NLGN1: variants seen among roughly 807,000 people sequenced by gnomAD.
NLGN1 encodes the protein neuroligin 1.
NLGN1 carries 12 observed loss-of-function variants against 65.5 expected under a neutral mutation model. That is an observed-to-expected ratio of 0.18 (90% confidence interval 0.12 to 0.30). NLGN1 has a LOEUF of 0.30. NLGN1 is among the 10% of genes least tolerant of loss of function. NLGN1 has a pLI of 1.00. For synonymous variants in NLGN1, 350 were observed against 359.5 expected (o/e 0.97, Z 0.30); for missense variants, 750 against 1,007.1 (o/e 0.74, Z 3.46).
At chr3:174,030,589 G>A (rs778997873) in intron 4 of NLGN1, among the ~76,000 whole-genome samples, 1 of 152,114 alleles carries the variant, frequency 6.6e-6, no homozygotes, top group Non-Finnish European at 1.5e-5. Context: ...GTTAGCCTCT[G>A]GTTAAAGATG....
intron 3 of NLGN1, among the ~76,000 whole-genome samples, chr3:173,787,508 T>C (rs1409168276): frequency 2.6e-5 from 4 of 152,242 alleles, no homozygotes; most frequent in African/African-American, 7.2e-5. Context: ...TAGTATTAAA[T>C]ATGGTATCTT....
At chr3:173,642,263 A>G (rs1464190276) in intron 3 of NLGN1, among the ~76,000 whole-genome samples, 1 of 152,194 alleles carries the variant, frequency 6.6e-6, no homozygotes, top group Non-Finnish European at 1.5e-5. Context: ...AAAATATGCC[A>G]TACAACTCTC....
At position 173,904,509 on chromosome 3, in the gene NLGN1, G is replaced by GT. The variant is rs1299720428; in HGVS notation, c.646+96689dup. Reference sequence around the variant, plus strand: ...TTTTGCTTATATGTGAAGATAAAGGGTTTTTTTTTTTTCATTTAGTTTCAA... The same window carrying GT: ...TTTTGCTTATATGTGAAGATAAAGGGTTTTTTTTTTTTTCATTTAGTTTCAA... On this transcript the variant is annotated intron_variant, in intron 4 of 6. Transcript: ENST00000457714. Among the ~76,000 whole-genome samples, 501 of 141,792 alleles carry GT rather than the reference G, an allele frequency of 3.5e-3. 1 individual carries two copies. Among genetic ancestry groups the GT allele is most frequent in the Admixed American group, 5.4e-3 (77 of 14,216 alleles). 93.0% of individuals were successfully genotyped at this position (141,792 alleles called of 152,430 possible).
intron 4 of NLGN1, among the ~76,000 whole-genome samples, chr3:174,159,032 T>C (rs1300400177): frequency 6.6e-6 from 1 of 151,684 alleles, no homozygotes; most frequent in Non-Finnish European, 1.5e-5. Context: ...TCTTCTCTGG[T>C]TATTAGAGAA....
chr3:174,064,373 A>G (rs2152523048), intron 4 of NLGN1, among the ~76,000 whole-genome samples: 1 of 152,124 alleles, frequency 6.6e-6, no homozygotes, highest in South Asian at 2.1e-4. Context: ...AATTCGGAAT[A>G]TTAGCCTATC....
chr3:173,431,059 T>G (rs142437824), intron 1 of NLGN1, among the ~76,000 whole-genome samples: 18 of 152,346 alleles, frequency 1.2e-4, no homozygotes, highest in Admixed American at 3.9e-4. Flanking sequence ...CAGTATATAC[T>G]CATTCTATTT....
At chr3:173,722,659 G>A (rs1220394134) in intron 3 of NLGN1, among the ~76,000 whole-genome samples, 1 of 152,140 alleles carries the variant, frequency 6.6e-6, no homozygotes, top group African/African-American at 2.4e-5. Flanking sequence ...TCCAGAGTCT[G>A]TCACACATAA....
At chr3:173,418,131 C>T (rs1402713267) in intron 1 of NLGN1, among the ~76,000 whole-genome samples, 1 of 150,612 alleles carries the variant, frequency 6.6e-6, no homozygotes, top group Non-Finnish European at 1.5e-5. Flanking sequence ...TATTTTAATG[C>T]TCTGTCATAC....
At chr3:173,521,516 C>G (rs915795846) in intron 2 of NLGN1, among the ~76,000 whole-genome samples, 1 of 152,206 alleles carries the variant, frequency 6.6e-6, no homozygotes, top group African/African-American at 2.4e-5. Flanking sequence ...AGAATCAGCA[C>G]TGTACTTATG....
chr3:173,911,896 C>A lies in NLGN1; in HGVS notation c.646+104064C>A, dbSNP rs910897146. 3.4e-4 allele frequency among the ~76,000 whole-genome samples: 52 copies of A among 151,870 alleles called. 1 individual carries two copies. The highest frequency in any genetic ancestry group is 1.2e-3 in the African/African-American group (49 of 41,346). On this transcript the variant is annotated intron_variant, in intron 4 of 6. Transcript: ENST00000457714. ...TTTATTCACAGATTAAATATGTGTCCCTCTGTTTACTAAGAATTCTATCTA... is the reference window on the plus strand; with the variant it reads ...TTTATTCACAGATTAAATATGTGTCACTCTGTTTACTAAGAATTCTATCTA...
chr3:173,401,711 T>G (rs1222775575), intron 1 of NLGN1, among the ~76,000 whole-genome samples: 3 of 152,138 alleles, frequency 2.0e-5, no homozygotes, highest in Admixed American at 6.5e-5. Flanking sequence ...GAAGGGGAAA[T>G]GGATTTGGTT....
intron 4 of NLGN1, among the ~76,000 whole-genome samples, chr3:174,169,069 G>C (rs1193253658): frequency 2.0e-5 from 3 of 152,184 alleles, no homozygotes; most frequent in Non-Finnish European, 4.4e-5. Flanking sequence ...TTGAAGAATG[G>C]TTGGAGATCT....
intron 4 of NLGN1, among the ~76,000 whole-genome samples, chr3:173,832,118 A>G (rs1722707896): frequency 2.5e-5 from 2 of 79,166 alleles, no homozygotes; most frequent in South Asian, 3.2e-4. Context: ...CTCCAAGCCC[A>G]GCTAAATTAA....
intron 1 of NLGN1, among the ~76,000 whole-genome samples, chr3:173,424,189 C>T (rs75071733): frequency 0.012 from 1,757 of 152,282 alleles, 36 homozygotes; most frequent in African/African-American, 0.04. Context: ...TGAAGCTGCA[C>T]GGATCCACTG....
At chr3:173,478,226 A>C (rs1263529050) in intron 2 of NLGN1, among the ~76,000 whole-genome samples, 2 of 152,240 alleles carry the variant, frequency 1.3e-5, no homozygotes, top group Admixed American at 6.5e-5. Context: ...TGCAGGCATC[A>C]AAAGAATGAG....
chr3:173,631,478 G>A (rs768989422), intron 3 of NLGN1, among the ~76,000 whole-genome samples: 3 of 152,126 alleles, frequency 2.0e-5, no homozygotes, highest in Admixed American at 6.6e-5. Flanking sequence ...TGAAGGGACG[G>A]CAAGTGTTTG....
intron 4 of NLGN1, among the ~76,000 whole-genome samples, chr3:173,889,233 A>G (rs377239661): frequency 1.3e-5 from 2 of 152,256 alleles, no homozygotes; most frequent in African/African-American, 4.8e-5. Context: ...TAATAAGCAT[A>G]ATTTTCAGAG....
At chr3:173,692,369 T>C (rs1765599998) in intron 3 of NLGN1, among the ~76,000 whole-genome samples, 2 of 152,144 alleles carry the variant, frequency 1.3e-5, no homozygotes, top group Non-Finnish European at 2.9e-5. Flanking sequence ...AATTAAAAAG[T>C]CAGTGATCTA....
At chr3:174,039,703 G>C (rs887364724) in intron 4 of NLGN1, among the ~76,000 whole-genome samples, 1 of 152,104 alleles carries the variant, frequency 6.6e-6, no homozygotes. Context: ...AATAGCAATA[G>C]AGTGATTTCC....
Sources: gnomAD v4.1 joint callset for allele counts (sites outside exome capture counted in the v4.1 genomes callset) on GRCh38, gnomAD v4.1.1 for gene constraint, MANE v1.5 for transcripts, NCBI Gene and HGNC (gene_info 2026-07-23, HGNC 2026-07-21) for gene names.